PSIP1: variants seen among roughly 807,000 people sequenced by gnomAD.
The protein encoded by PSIP1 is PC4 and SRSF1 interacting protein 1.
PSIP1 carries 19 observed loss-of-function variants against 74.7 expected under a neutral mutation model. The ratio of observed to expected loss-of-function variants is 0.25; its 90% CI spans 0.18 to 0.37. The LOEUF is 0.37. Among genes scored for constraint, PSIP1 ranks in the 10% least tolerant of loss-of-function variants. The probability of loss-of-function intolerance (pLI) is 1.00; values close to 1 mark genes in which losing one functional copy is unlikely to be tolerated. For missense variants in PSIP1, 601 were observed against 614.3 expected, an observed-to-expected ratio of 0.98 and a Z score of 0.23; for synonymous variants, 222 against 195.3, an observed-to-expected ratio of 1.14 and a Z score of -1.14.
At chr9:15,496,784 C>T (rs73423313) in intron 3 of PSIP1, among the ~76,000 whole-genome samples, 1,624 of 152,224 alleles carry the variant, frequency 0.011, 34 homozygotes, top group African/African-American at 0.037. Context: ...ATGTTAAGTA[C>T]AGAAGATTTT....
intron 7 of PSIP1, 68 bp downstream of exon 7, chr9:15,479,523 G>T: frequency 8.0e-7 from 1 of 1,249,076 alleles, no homozygotes; most frequent in Non-Finnish European, 1.1e-6. Flanking sequence ...ATTTGAGGCA[G>T]CAACACTTTA....
chr9:15,468,234 C>G (rs572813169), intron 14 of PSIP1: 9 of 429,718 alleles, frequency 2.1e-5, no homozygotes, highest in Non-Finnish European at 1.9e-5. Context: ...TAGTCTCCAC[C>G]TATGAGGCTG....
chr9:15,466,499 C>G (rs2035636321), intron 15 of PSIP1, among the ~76,000 whole-genome samples: 1 of 152,120 alleles, frequency 6.6e-6, no homozygotes, highest in African/African-American at 2.4e-5. Context: ...AAAAGTAGTC[C>G]AGGAGCAAAT....
chr9:15,499,491 CTCTCT>C (rs2037233253), intron 3 of PSIP1, among the ~76,000 whole-genome samples: 1 of 152,210 alleles, frequency 6.6e-6, no homozygotes, highest in Non-Finnish European at 1.5e-5. Context: ...AAGCAGTTCT[CTCTCT>C]TAATTCACTT....
At chr9:15,469,787 C>T in intron 11 of PSIP1, 151 bp downstream of exon 11, 2 of 602,286 alleles carry the variant, frequency 3.3e-6, no homozygotes, top group African/African-American at 1.9e-5. Flanking sequence ...AAATACAATG[C>T]AATTTATATA....
rs546347202 is a variant in PSIP1 at position 15,472,491 on chromosome 9, T to C, written c.977+141A>G. ...AGCCTGAAATAAGATCATCATCATA[T>C]ATTGAAGATTTTTCTAACACATGGG... On this transcript the variant is annotated intron_variant, in intron 10 of 15. Coordinates refer to ENST00000380733, the MANE Select transcript of PSIP1 (RefSeq NM_033222.5). 2.0e-5 allele frequency: 28 copies of C among 1,421,666 alleles called. 1 individual carries two copies. The highest frequency in any genetic ancestry group is 9.8e-5 in the South Asian group (6 of 61,444). 88.1% of individuals were successfully genotyped at this position (1,421,666 alleles called of 1,614,324 possible). A position where few individuals can be genotyped will look rare whatever the true frequency, so the allele number is the denominator to read the frequency against.
At chr9:15,471,113 T>C in intron 10 of PSIP1, 1 of 1,592,380 alleles carries the variant, frequency 6.3e-7, no homozygotes, top group East Asian at 2.2e-5. Context: ...CCAATGAGTC[T>C]GTATCAAGAT....
intron 3 of PSIP1, among the ~76,000 whole-genome samples, chr9:15,496,985 C>T (rs779482011): frequency 3.9e-5 from 6 of 152,090 alleles, no homozygotes; most frequent in Non-Finnish European, 5.9e-5. Context: ...GAATGTTAAA[C>T]GGTGCAGCTG....
chr9:15,471,798 T>G, intron 10 of PSIP1: 1 of 947,184 alleles, frequency 1.1e-6, no homozygotes, highest in Non-Finnish European at 1.3e-6. Context: ...AAGAATTGTT[T>G]TACTGCTCAT....
Position 15,465,312 on chromosome 9 carries a change from C to G in PSIP1, c.*208G>C, listed in dbSNP as rs1163436178. ...CATTTTCTAAATGGATTTTATCCCA[C>G]ATTTACTGTATAATGTAGCTGTTAA... On this transcript the variant is annotated 3_prime_UTR_variant, in exon 16 of 16. Coordinates refer to ENST00000380733, the MANE Select transcript of PSIP1 (RefSeq NM_033222.5). The G allele has an allele frequency of 4.2e-6, 2 of 475,086 alleles. No individual in the cohort carries two copies. The highest frequency in any genetic ancestry group is 4.1e-5 in the African/African-American group (2 of 48,998). 29.4% of individuals were successfully genotyped at this position (475,086 alleles called of 1,614,324 possible).
chr9:15,475,133 G>C lies in PSIP1; in HGVS notation c.630-896C>G, dbSNP rs986764395. Among the ~76,000 whole-genome samples the C allele has an allele frequency of 3.3e-5, 5 of 152,084 alleles. No individual in the cohort carries two copies. The East Asian group carries it at 9.6e-4, about 29-fold the overall frequency. On this transcript the variant is annotated intron_variant, in intron 8 of 15. Coordinates refer to ENST00000380733, the MANE Select transcript of PSIP1 (RefSeq NM_033222.5). ...CTGACCACTTAAGAACTATTAAGTT[G>C]GAAGAGAAGAAATTTACTTTTGCCC...
intron 11 of PSIP1, 100 bp downstream of exon 11, chr9:15,469,838 G>A (rs1450455680): frequency 1.1e-5 from 10 of 939,036 alleles, no homozygotes; most frequent in Non-Finnish European, 1.5e-5. Context: ...TGTAGGATAT[G>A]AGTATAAAAT....
Position 15,465,435 on chromosome 9 carries a change from A to G in PSIP1, c.*85T>C, listed in dbSNP as rs2035551204. On this transcript the variant is annotated 3_prime_UTR_variant, in exon 16 of 16. Transcript: ENST00000380733. ...TTTTCAACATCAAACCTATGCTTATAAAAATTTAAAACTTTCAGCAGTCTA... is the reference window on the plus strand; with the variant it reads ...TTTTCAACATCAAACCTATGCTTATGAAAATTTAAAACTTTCAGCAGTCTA... 1 of 1,236,632 alleles carries G rather than the reference A, an allele frequency of 8.1e-7. No homozygotes were observed. The highest frequency in any genetic ancestry group is 1.5e-5 in the African/African-American group (1 of 64,702). 76.6% of individuals were successfully genotyped at this position (1,236,632 alleles called of 1,614,324 possible).
chr9:15,489,871 C>A, intron 4 of PSIP1, 115 bp downstream of exon 4: 1 of 885,334 alleles, frequency 1.1e-6, no homozygotes. Context: ...AATAAGAACA[C>A]AACAAACTAG....
intron 4 of PSIP1, among the ~76,000 whole-genome samples, chr9:15,487,558 C>T (rs2036608687): frequency 1.3e-5 from 2 of 152,046 alleles, no homozygotes; most frequent in South Asian, 2.1e-4. Flanking sequence ...ATCAAAATTG[C>T]ACCACTGCAC....
intron 15 of PSIP1, chr9:15,465,887 G>A (rs1336970696): frequency 3.7e-6 from 1 of 270,694 alleles, no homozygotes; most frequent in Non-Finnish European, 6.9e-6. Flanking sequence ...TAAAGAACAT[G>A]AGAATGTTTT....
chr9:15,503,198 C>T lies in PSIP1; in HGVS notation c.149+3363G>A, dbSNP rs191612265. ...CCTGGCCAACATGGTGAAACCCCAT[C>T]TCTACTAAAAACACAAAAATTAGAT... On this transcript the variant is annotated intron_variant, in intron 3 of 15. Transcript: ENST00000380733. Among the ~76,000 whole-genome samples the T allele has an allele frequency of 1.2e-3, 188 of 152,034 alleles. 1 individual carries two copies. The highest frequency in any genetic ancestry group is 4.2e-3 in the African/African-American group (176 of 41,456).
At chr9:15,466,372 C>CT (rs2035627377) in intron 15 of PSIP1, among the ~76,000 whole-genome samples, 2 of 151,314 alleles carry the variant, frequency 1.3e-5, no homozygotes, top group South Asian at 4.2e-4. Context: ...GAGTGAAACT[C>CT]TGTCTCAAAG....
chr9:15,465,534 T>TAGA lies in PSIP1; in HGVS notation c.1576_1578dup (p.Ser526dup). ...GGTATGTCAACCTAGTTATCTAGTG[T>TAGA]AGAATCCTTCAGAGATATTTCAGTC... On this transcript the variant is annotated inframe_insertion, in exon 16 of 16. Coordinates refer to ENST00000380733, the MANE Select transcript of PSIP1 (RefSeq NM_033222.5). 3 of 1,577,030 alleles carry TAGA rather than the reference T, an allele frequency of 1.9e-6. No homozygotes were observed. Among genetic ancestry groups the TAGA allele is most frequent in the Non-Finnish European group, 2.6e-6 (3 of 1,149,664 alleles).
Sources: allele counts gnomAD v4.1 joint callset (sites outside exome capture counted in the v4.1 genomes callset), GRCh38; gene constraint gnomAD v4.1.1; transcripts MANE v1.5; gene names NCBI Gene and HGNC (gene_info 2026-07-23, HGNC 2026-07-21).